The following NECTIN3 variants were observed in gnomAD, a reference collection of about 807,000 sequenced individuals.
The protein encoded by NECTIN3 is nectin cell adhesion molecule 3.
Under a neutral mutation model 49.4 loss-of-function variants are expected in NECTIN3, and 8 were observed. The observed-to-expected ratio is 0.16, with a 90% CI of 0.10 to 0.29. NECTIN3 has a LOEUF of 0.29. Among genes scored for constraint, NECTIN3 ranks in the 10% least tolerant of loss-of-function variants. The pLI is 1.00. For synonymous variants in NECTIN3, 277 were observed against 241.1 expected, an observed-to-expected ratio of 1.15 and a Z score of -1.38; for missense variants, 581 against 654.6, an observed-to-expected ratio of 0.89 and a Z score of 1.23.
intron 1 of NECTIN3, among the ~76,000 whole-genome samples, chr3:111,111,617 T>G (rs779931550): frequency 6.6e-6 from 1 of 152,190 alleles, no homozygotes; most frequent in Non-Finnish European, 1.5e-5. Context: ...ATGATGTAAC[T>G]GAATCTTCTA....
chr3:111,127,465 CTTTTTTTTTTTT>C (rs35153084), intron 5 of NECTIN3, among the ~76,000 whole-genome samples: 3 of 101,160 alleles, frequency 3.0e-5, no homozygotes, highest in Non-Finnish European at 6.7e-5. Flanking sequence ...TGCAAACTTT[CTTTTTTTTTTTT>C]TTTTTTTGCA....
downstream of NECTIN3, among the ~76,000 whole-genome samples, chr3:111,141,959 A>G (rs2034757319): frequency 6.6e-6 from 1 of 151,780 alleles, no homozygotes. Context: ...TCTATGAAGT[A>G]TGTATATGTT....
intron 7 of NECTIN3, among the ~76,000 whole-genome samples, chr3:111,158,488 A>T (rs544645784): frequency 6.6e-6 from 1 of 152,254 alleles, no homozygotes; most frequent in South Asian, 2.1e-4. Context: ...TTATTGATAT[A>T]TATGTTCCCA....
At chr3:111,102,954 G>A (rs558004314) in intron 1 of NECTIN3, among the ~76,000 whole-genome samples, 52 of 152,160 alleles carry the variant, frequency 3.4e-4, no homozygotes, top group Middle Eastern at 3.4e-3. Context: ...CAAAGTTAAC[G>A]TATAGTTAAA....
intron 7 of NECTIN3, among the ~76,000 whole-genome samples, chr3:111,184,352 G>A (rs1163194983): frequency 1.3e-5 from 2 of 152,080 alleles, no homozygotes; most frequent in African/African-American, 2.4e-5. Flanking sequence ...TTGTAATACT[G>A]TTGATCTAAT....
chr3:111,147,296 A>G (rs2034896072), intron 6 of NECTIN3: 4 of 813,640 alleles, frequency 4.9e-6, no homozygotes, highest in Admixed American at 2.7e-5. Flanking sequence ...TATTATCTAT[A>G]TAATATGAGG....
At chr3:111,151,860 A>G (rs2035006109) in intron 7 of NECTIN3, among the ~76,000 whole-genome samples, 1 of 151,820 alleles carries the variant, frequency 6.6e-6, no homozygotes, top group Non-Finnish European at 1.5e-5. Flanking sequence ...CTAAGGTCTC[A>G]TTCCTATACC....
At chr3:111,145,110 C>T in intron 6 of NECTIN3, 2 of 1,430,160 alleles carry the variant, frequency 1.4e-6, no homozygotes, top group Non-Finnish European at 1.9e-6. Flanking sequence ...ACCTTTACAG[C>T]TCCTCATAAA....
At chr3:111,185,921 T>C (rs1035546766) in intron 7 of NECTIN3, among the ~76,000 whole-genome samples, 5 of 152,210 alleles carry the variant, frequency 3.3e-5, no homozygotes, top group African/African-American at 1.2e-4. Flanking sequence ...AAATGTTGTA[T>C]TATAACTTGG....
chr3:111,138,271 G>T (rs368451251), downstream of NECTIN3, among the ~76,000 whole-genome samples: 1 of 151,442 alleles, frequency 6.6e-6, no homozygotes, highest in Non-Finnish European at 1.5e-5. Context: ...TTTGACCAGG[G>T]TTTTTCTTTG....
chr3:111,192,608 G>A (rs2035832468), intron 1 of NECTIN3, among the ~76,000 whole-genome samples: 1 of 152,192 alleles, frequency 6.6e-6, no homozygotes, highest in Admixed American at 6.5e-5. Flanking sequence ...GGGCAGAAGA[G>A]TCTGTCCCAG....
chr3:111,097,895 T>C (rs1559775558), intron 1 of NECTIN3, among the ~76,000 whole-genome samples: 1 of 152,190 alleles, frequency 6.6e-6, no homozygotes, highest in Non-Finnish European at 1.5e-5. Context: ...AAATTTTACA[T>C]GTATAAAAAT....
At chr3:111,086,996 C>T (rs1012409960) in intron 1 of NECTIN3, among the ~76,000 whole-genome samples, 1 of 151,822 alleles carries the variant, frequency 6.6e-6, no homozygotes, top group Non-Finnish European at 1.5e-5. Flanking sequence ...AGTTATTTGG[C>T]TTTTTGATGT....
intron 1 of NECTIN3, chr3:111,193,300 A>G (rs1436467121): frequency 6.5e-7 from 1 of 1,535,832 alleles, no homozygotes; most frequent in African/African-American, 1.4e-5. Context: ...ATGTGCTACC[A>G]AGACCGGAGC....
chr3:111,113,032 C>T (rs754787722), intron 2 of NECTIN3, among the ~76,000 whole-genome samples: 5 of 152,190 alleles, frequency 3.3e-5, no homozygotes, highest in Non-Finnish European at 5.9e-5. Flanking sequence ...TGGCTGCTCA[C>T]ATGAAGATCT....
intron 7 of NECTIN3, among the ~76,000 whole-genome samples, chr3:111,175,438 A>G (rs1366171195): frequency 1.3e-5 from 2 of 151,866 alleles, no homozygotes; most frequent in Admixed American, 1.3e-4. Flanking sequence ...AAAAGCATAG[A>G]AAGGCCTCCC....
At chr3:111,174,098 A>G (rs1268464347) in intron 7 of NECTIN3, among the ~76,000 whole-genome samples, 2 of 152,144 alleles carry the variant, frequency 1.3e-5, no homozygotes, top group Admixed American at 6.5e-5. Flanking sequence ...TACCTAACCC[A>G]GTACTCCCAG....
At chr3:111,130,207 C>T (rs1316022981) in intron 5 of NECTIN3, among the ~76,000 whole-genome samples, 5 of 151,766 alleles carry the variant, frequency 3.3e-5, no homozygotes, top group African/African-American at 4.8e-5. Flanking sequence ...CCACCAGCCT[C>T]GGCCTTCCAG....
At chr3:111,139,861 A>C (rs906778031), downstream of NECTIN3, among the ~76,000 whole-genome samples, 1 of 151,842 alleles carries the variant, frequency 6.6e-6, no homozygotes, top group African/African-American at 2.4e-5. Context: ...AATTTTAGCT[A>C]TCTGATAATA....
Sources: allele counts gnomAD v4.1 joint callset (sites outside exome capture counted in the v4.1 genomes callset), GRCh38; gene constraint gnomAD v4.1.1; transcripts MANE v1.5; gene names NCBI Gene and HGNC (gene_info 2026-07-23, HGNC 2026-07-21).